The following TOX2 variants were observed in gnomAD, a reference collection of about 807,000 sequenced individuals.
The protein encoded by TOX2 is granulosa cell HMG box 1.
A neutral mutation model predicts 47.4 loss-of-function variants in TOX2; 15 were observed. That is an observed-to-expected ratio of 0.32 (90% CI 0.21 to 0.49). TOX2 has a LOEUF of 0.49. Ranked by LOEUF, TOX2 falls within the 20% of genes least tolerant of loss-of-function variation. TOX2 has a pLI of 0.99. For missense variants in TOX2, 622 were observed against 673.1 expected, an observed-to-expected ratio of 0.92 and a Z score of 0.84; for synonymous variants, 290 against 296.6, an observed-to-expected ratio of 0.98 and a Z score of 0.23.
At chr20:43,977,354 G>T (rs570963551) in intron 2 of TOX2, among the ~76,000 whole-genome samples, 19 of 152,074 alleles carry the variant, frequency 1.2e-4, no homozygotes, top group Non-Finnish European at 7.4e-5. Context: ...TAAGTGATCC[G>T]CCCACCTCGG....
Position 44,068,628 on chromosome 20 carries a change from C to T in TOX2, c.1485-22C>T, listed in dbSNP as rs763084020. ...CCGGAGAGGTACCCAACAGCTTTGA[C>T]AGCCCCTCCTCTCTCTCACAGCCTG... On this transcript the variant is annotated intron_variant, in intron 8 of 8. Coordinates refer to ENST00000341197, the MANE Select transcript of TOX2 (RefSeq NM_001098797.2). 28 of 1,605,192 alleles carry T rather than the reference C, an allele frequency of 1.7e-5. No individual in the cohort carries two copies. The Admixed American group carries it at 3.9e-4, about 22-fold the overall frequency.
intron 1 of TOX2, among the ~76,000 whole-genome samples, chr20:43,922,768 T>C (rs1362784647): frequency 6.6e-6 from 1 of 152,196 alleles, no homozygotes; most frequent in Non-Finnish European, 1.5e-5. Flanking sequence ...ATGAGCAACC[T>C]GATTGTGGTT....
chr20:44,021,084 A>G (rs1342882373), intron 3 of TOX2, among the ~76,000 whole-genome samples: 1 of 152,124 alleles, frequency 6.6e-6, no homozygotes, highest in Non-Finnish European at 1.5e-5. Context: ...GCAATTGTGC[A>G]CCAAGGGCCT....
intron 3 of TOX2, among the ~76,000 whole-genome samples, chr20:44,048,232 T>A (rs2071443721): frequency 6.6e-6 from 1 of 151,436 alleles, no homozygotes. Flanking sequence ...CACAAAAAAA[T>A]AAATAAAATA....
At chr20:43,952,571 T>G (rs2069598076) in intron 1 of TOX2, among the ~76,000 whole-genome samples, 1 of 152,182 alleles carries the variant, frequency 6.6e-6, no homozygotes, top group African/African-American at 2.4e-5. Flanking sequence ...AAGTTTGCTT[T>G]TTTATACTTC....
chr20:43,917,402 G>A (rs996375729), intron 1 of TOX2, among the ~76,000 whole-genome samples: 10 of 152,220 alleles, frequency 6.6e-5, no homozygotes, highest in African/African-American at 2.4e-4. Flanking sequence ...CAGGCTCAGG[G>A]TGCAGTAGTG....
At chr20:43,955,298 G>C (rs1198168419) in intron 1 of TOX2, 2 of 985,306 alleles carry the variant, frequency 2.0e-6, no homozygotes, top group African/African-American at 3.5e-5. Flanking sequence ...AAACCCTCCT[G>C]GGTCACAGGA....
At chr20:43,977,145 C>G (rs981547530) in intron 2 of TOX2, among the ~76,000 whole-genome samples, 1 of 151,728 alleles carries the variant, frequency 6.6e-6, no homozygotes, top group African/African-American at 2.4e-5. Flanking sequence ...CACTGTCACC[C>G]AGGCTGGAGT....
intron 3 of TOX2, among the ~76,000 whole-genome samples, chr20:44,009,488 T>C (rs1456305207): frequency 6.6e-6 from 1 of 152,208 alleles, no homozygotes; most frequent in African/African-American, 2.4e-5. Context: ...CTCAGCTTCC[T>C]CTTCTCTCTC....
At position 43,956,258 on chromosome 20, in the gene TOX2, G is replaced by A. The variant is rs1006138257; in HGVS notation, c.100-17109G>A. ...CCCTTCCCTAGACCATGAGCTCCGG[G>A]ACAAAGACTGTGTGTCCACCAGGTG... On this transcript the variant is annotated intron_variant, in intron 1 of 8. Transcript: ENST00000341197. 1.1e-4 allele frequency among the ~76,000 whole-genome samples: 17 copies of A among 152,238 alleles called. No individual in the cohort carries two copies. In the East Asian group the frequency reaches 1.7e-3, roughly 16 times the overall value.
intron 3 of TOX2, among the ~76,000 whole-genome samples, chr20:44,023,628 A>G (rs548628628): frequency 2.0e-5 from 3 of 152,220 alleles, no homozygotes; most frequent in Non-Finnish European, 2.9e-5. Flanking sequence ...TTAAGCACCA[A>G]TGTGTTCAGA....
intron 1 of TOX2, among the ~76,000 whole-genome samples, chr20:43,965,832 C>A (rs950175496): frequency 6.6e-6 from 1 of 152,074 alleles, no homozygotes; most frequent in Admixed American, 6.5e-5. Context: ...AGAGAGATAC[C>A]TTTTCAGACT....
chr20:43,915,792 G>A lies in TOX2; in HGVS notation c.99+802G>A, dbSNP rs1192846161. On this transcript the variant is annotated intron_variant, in intron 1 of 8. Transcript: ENST00000341197. The surrounding 1 kb of genome is among the most constrained non-coding windows in gnomAD (Gnocchi z 7.1). ...GCCTGTGTCCTCCCGGGAGCGGTGA[G>A]CCGGCGTCCCTCCAGGCTGGGGCTG... Among the ~76,000 whole-genome samples the A allele has an allele frequency of 6.6e-6, 1 of 152,258 alleles. No homozygotes were observed. Among genetic ancestry groups the A allele is most frequent in the Admixed American group, 6.5e-5 (1 of 15,292 alleles).
intron 3 of TOX2, among the ~76,000 whole-genome samples, chr20:44,041,615 A>C (rs2071333257): frequency 1.3e-5 from 2 of 152,160 alleles, no homozygotes; most frequent in Non-Finnish European, 2.9e-5. Context: ...TCATCCCCAA[A>C]GCTTGCCATT....
intron 3 of TOX2, among the ~76,000 whole-genome samples, chr20:44,012,845 G>T (rs535303139): frequency 6.6e-6 from 1 of 152,246 alleles, no homozygotes; most frequent in Non-Finnish European, 1.5e-5. Flanking sequence ...AGTACTTAGT[G>T]CTGCGTTTCA....
exon 9 of TOX2, chr20:44,069,615 A>AACAAGTCTGTGTCTCCTTGCCCTTG (rs2071902570): frequency 6.5e-6 from 1 of 152,718 alleles, no homozygotes; most frequent in Non-Finnish European, 1.5e-5. Flanking sequence ...AAAAGCTGAA[A>AACAAGTCTGTGTCTCCTTGCCCTTG]ACAAGTCTGT....
At chr20:43,989,119 C>T (rs1340280011) in intron 2 of TOX2, among the ~76,000 whole-genome samples, 1 of 152,156 alleles carries the variant, frequency 6.6e-6, no homozygotes, top group Admixed American at 6.5e-5. Flanking sequence ...ATCTCAGTCC[C>T]CACCCAGAAT....
At chr20:44,039,955 C>CG (rs1251553715) in intron 3 of TOX2, among the ~76,000 whole-genome samples, 1 of 152,094 alleles carries the variant, frequency 6.6e-6, no homozygotes, top group Non-Finnish European at 1.5e-5. Flanking sequence ...GGCCGAGGGC[C>CG]GGGGGGCAGG....
At chr20:44,017,810 A>G (rs1482997806) in intron 3 of TOX2, among the ~76,000 whole-genome samples, 1 of 152,142 alleles carries the variant, frequency 6.6e-6, no homozygotes, top group African/African-American at 2.4e-5. Flanking sequence ...ACTTGGCTAC[A>G]CAGTTATCAA....
Sources: gnomAD v4.1 joint callset for allele counts (sites outside exome capture counted in the v4.1 genomes callset) on GRCh38, gnomAD v4.1.1 for gene constraint, Gnocchi (gnomAD v3.1) non-coding constraint, MANE v1.5 for transcripts, NCBI Gene and HGNC (gene_info 2026-07-23, HGNC 2026-07-21) for gene names.